Variants in MAD1L1 observed in about 807,000 individuals in gnomAD.
MAD1L1 encodes the protein mitotic spindle assembly checkpoint protein MAD1.
MAD1L1 carries 95 observed loss-of-function variants against 96.9 expected under a neutral mutation model. That is an observed-to-expected ratio of 0.98 (90% CI 0.83 to 1.16). The LOEUF (loss-of-function observed/expected upper bound fraction) is 1.16, where lower values mean the gene tolerates loss of function less well. Ranked by LOEUF, MAD1L1 falls within the 50% of genes most tolerant of loss-of-function variation. The pLI is 0.00. For missense variants in MAD1L1, 1,007 were observed against 954.4 expected (o/e 1.06, Z -0.73); for synonymous variants, 473 against 396.6 (o/e 1.19, Z -2.29).
rs185650259 is a variant in MAD1L1 at position 2,069,467 on chromosome 7, G to T, written c.1074-129C>A. 3 of 843,352 alleles carry T rather than the reference G, an allele frequency of 3.6e-6. No homozygotes were observed. In the Admixed American group the frequency reaches 1.0e-4, roughly 29 times the overall value. The allele number at this position is 843,352 out of a possible 1,614,324, so 52.2% of individuals were successfully genotyped here. ...GAGCTGCACGTGCAACCCCCTCACT[G>T]CCATTTCCGCACTGCTGAATAGCTA... On this transcript the variant is annotated intron_variant, in intron 11 of 18. Coordinates refer to ENST00000265854, the MANE Select transcript of MAD1L1 (RefSeq NM_001013836.2).
chr7:2,110,545 G>T (rs1202229771), intron 11 of MAD1L1, among the ~76,000 whole-genome samples: 1 of 152,176 alleles, frequency 6.6e-6, no homozygotes, highest in African/African-American at 2.4e-5. Context: ...ACTCACACTG[G>T]CAGTGGAGAA....
At chr7:1,883,365 A>ACTC (rs1785807098) in intron 18 of MAD1L1, among the ~76,000 whole-genome samples, 1 of 151,998 alleles carries the variant, frequency 6.6e-6, no homozygotes, top group Non-Finnish European at 1.5e-5. Flanking sequence ...CCAAACTGTG[A>ACTC]CTCACAAACG....
chr7:2,098,115 G>A (rs1786589282), intron 11 of MAD1L1, among the ~76,000 whole-genome samples: 1 of 152,196 alleles, frequency 6.6e-6, no homozygotes, highest in Non-Finnish European at 1.5e-5. Context: ...AGATCAGTGA[G>A]GACGCCCGCG....
chr7:1,964,311 A>G (rs770518681), intron 15 of MAD1L1, among the ~76,000 whole-genome samples: 1 of 152,184 alleles, frequency 6.6e-6, no homozygotes, highest in Non-Finnish European at 1.5e-5. Flanking sequence ...AAGGCTTGGG[A>G]GCAAAATGCT....
rs151105619 is a variant in MAD1L1, at chr7:2,103,794, T to C, written c.1074-34456A>G. Reference sequence around the variant, plus strand: ...CCTGAACCACTGTGCACGGAGTCCCTCCGCATCCCCAGGCAGAGGGACAGT... The same window carrying C: ...CCTGAACCACTGTGCACGGAGTCCCCCCGCATCCCCAGGCAGAGGGACAGT... On this transcript the variant is annotated intron_variant, in intron 11 of 18. Coordinates refer to ENST00000265854, the MANE Select transcript of MAD1L1 (RefSeq NM_001013836.2). This position sits in a 1 kb window ranked among gnomAD's most constrained non-coding sequence, Gnocchi z 4.3. 1.3e-4 allele frequency among the ~76,000 whole-genome samples: 20 copies of C among 152,216 alleles called. No individual in the cohort carries two copies. The highest frequency in any genetic ancestry group is 4.8e-4 in the African/African-American group (20 of 41,548).
At position 1,906,142 on chromosome 7, in the gene MAD1L1, C is replaced by T. The variant is rs557185539; in HGVS notation, c.1808-7752G>A. Among the ~76,000 whole-genome samples the T allele has an allele frequency of 6.6e-5, 10 of 152,250 alleles. No homozygotes were observed. In the South Asian group the frequency reaches 2.1e-3, roughly 32 times the overall value. On this transcript the variant is annotated intron_variant, in intron 17 of 18. Transcript: ENST00000265854. ...AGCACTGCCCTGAGGAGACCAGCCC[C>T]TGCACAGCTGAGGCAGCTGGCCCAC...
At chr7:2,162,806 A>G (rs1034588585) in intron 10 of MAD1L1, among the ~76,000 whole-genome samples, 2 of 139,382 alleles carry the variant, frequency 1.4e-5, no homozygotes, top group African/African-American at 4.9e-5. Flanking sequence ...AAACAGAAAA[A>G]CACACAATTA....
intron 12 of MAD1L1, among the ~76,000 whole-genome samples, chr7:2,042,344 C>G (rs1230265619): frequency 6.6e-6 from 1 of 152,178 alleles, no homozygotes; most frequent in Non-Finnish European, 1.5e-5. Flanking sequence ...CACGCACAGA[C>G]ACACACATGG....
intron 14 of MAD1L1, among the ~76,000 whole-genome samples, chr7:1,982,006 C>G (rs1208041654): frequency 6.6e-6 from 1 of 152,104 alleles, no homozygotes; most frequent in African/African-American, 2.4e-5. Flanking sequence ...AACCCCAGCG[C>G]CCCAGGCCCC....
intron 18 of MAD1L1, among the ~76,000 whole-genome samples, chr7:1,874,195 G>A (rs1342168500): frequency 1.3e-5 from 2 of 152,184 alleles, no homozygotes; most frequent in Non-Finnish European, 2.9e-5. Context: ...TCAGTGCAGC[G>A]AGGCCGTCTC....
chr7:1,924,326 A>G (rs1400808373), intron 17 of MAD1L1, among the ~76,000 whole-genome samples: 2 of 152,240 alleles, frequency 1.3e-5, no homozygotes, highest in East Asian at 1.9e-4. Context: ...ATGTGGGCAC[A>G]TGAATTCCTT....
intron 12 of MAD1L1, among the ~76,000 whole-genome samples, chr7:2,042,882 T>TGTCCAC (rs58264394): frequency 2.0e-5 from 3 of 151,130 alleles, no homozygotes; most frequent in Non-Finnish European, 2.9e-5. Context: ...CGCACACACA[T>TGTCCAC]GTCCACGTCC....
At chr7:1,888,759 A>G (rs1562493741) in intron 18 of MAD1L1, among the ~76,000 whole-genome samples, 2 of 150,900 alleles carry the variant, frequency 1.3e-5, no homozygotes, top group Admixed American at 6.6e-5. Context: ...GTGAGCATGC[A>G]TGTGTGTGTG....
chr7:1,906,818 TAC>T (rs1299220756), intron 17 of MAD1L1, among the ~76,000 whole-genome samples: 1 of 152,170 alleles, frequency 6.6e-6, no homozygotes, highest in Non-Finnish European at 1.5e-5. Context: ...CTGCGCAAGC[TAC>T]ACAGTCAGCT....
chr7:2,089,486 A>G (rs564944180), intron 11 of MAD1L1, among the ~76,000 whole-genome samples: 3 of 152,318 alleles, frequency 2.0e-5, no homozygotes, highest in East Asian at 3.9e-4. Flanking sequence ...ATGTGGAACC[A>G]TAAGTCCAAT....
chr7:2,050,816 G>A (rs947759108), intron 12 of MAD1L1, among the ~76,000 whole-genome samples: 1 of 152,214 alleles, frequency 6.6e-6, no homozygotes, highest in East Asian at 1.9e-4. Context: ...GGAACGGCCA[G>A]GTGAGGCTGG....
chr7:1,922,150 G>A (rs1396218433), intron 17 of MAD1L1, among the ~76,000 whole-genome samples: 8 of 152,214 alleles, frequency 5.3e-5, no homozygotes, highest in African/African-American at 1.9e-4. Flanking sequence ...GGCTGAGGTC[G>A]GAACCCAGAA....
At chr7:2,002,934 T>C (rs1781864555) in intron 13 of MAD1L1, among the ~76,000 whole-genome samples, 1 of 152,100 alleles carries the variant, frequency 6.6e-6, no homozygotes, top group South Asian at 2.1e-4. Flanking sequence ...TCCTGACTCC[T>C]TCCCACGACC....
In MAD1L1 at chr7:2,225,513, T is replaced by C. The variant is rs766733444; in HGVS notation, c.188A>G (p.His63Arg). 2 of 1,613,906 alleles carry C rather than the reference T, an allele frequency of 1.2e-6. No homozygotes were observed. Among genetic ancestry groups the C allele is most frequent in the African/African-American group, 1.3e-5 (1 of 74,908 alleles). The part of the protein sequence containing the change: ...ERAEQIRSKS[H>R]LIQVEREKMQ... ...TTTCTCCCGCTCCACCTGGATGAGGTGGGACTTCGAACGGATCTGCTCTGC... is the reference window on the plus strand; with the variant it reads ...TTTCTCCCGCTCCACCTGGATGAGGCGGGACTTCGAACGGATCTGCTCTGC... Residue 63 changes from histidine (H) to arginine (R), a missense_variant, in exon 4 of 19, where the codon CAC (histidine) becomes CGC (arginine). Physicochemically the swap from His to Arg is conservative, Grantham distance 29. Coordinates refer to ENST00000265854, the MANE Select transcript of MAD1L1 (RefSeq NM_001013836.2).
Sources: allele counts gnomAD v4.1 joint callset (sites outside exome capture counted in the v4.1 genomes callset), GRCh38; gene constraint gnomAD v4.1.1; non-coding constraint Gnocchi (gnomAD v3.1); transcripts MANE v1.5; gene names NCBI Gene and HGNC (gene_info 2026-07-23, HGNC 2026-07-21).